GRM5: variants seen among roughly 807,000 people sequenced by gnomAD.
GRM5 encodes the protein glutamate metabotropic receptor 5.
A neutral mutation model predicts 83.1 loss-of-function variants in GRM5; 19 were observed. That is an observed-to-expected ratio of 0.23 (90% CI 0.16 to 0.34). The LOEUF is 0.34. GRM5 is among the 10% of genes least tolerant of loss of function. The pLI is 1.00. For missense variants in GRM5, 1,160 were observed against 1,588.3 expected (o/e 0.73, Z 4.58); for synonymous variants, 675 against 633.6 (o/e 1.07, Z -0.98).
intron 2 of GRM5, among the ~76,000 whole-genome samples, chr11:88,987,315 G>A (rs1479223844): frequency 1.4e-4 from 21 of 152,124 alleles, no homozygotes; most frequent in Admixed American, 1.3e-3. Context: ...CTTAAAAAAC[G>A]GCACACCACG....
chr11:88,625,912 C>T (rs1251348518), intron 4 of GRM5, among the ~76,000 whole-genome samples: 2 of 152,116 alleles, frequency 1.3e-5, no homozygotes, highest in Non-Finnish European at 2.9e-5. Context: ...TGATTTCTCC[C>T]GTGCCACAGT....
intron 2 of GRM5, among the ~76,000 whole-genome samples, chr11:88,939,492 G>A (rs1413979938): frequency 6.6e-6 from 1 of 151,760 alleles, no homozygotes; most frequent in African/African-American, 2.4e-5. Flanking sequence ...AGCTGCATAT[G>A]TGGGCAACAA....
chr11:88,631,514 C>G (rs1055975200), intron 4 of GRM5, among the ~76,000 whole-genome samples: 1 of 152,098 alleles, frequency 6.6e-6, no homozygotes, highest in Admixed American at 6.6e-5. Flanking sequence ...GGATCTTTAC[C>G]TATATCATGC....
chr11:88,875,085 T>TTG (rs1161072226), intron 2 of GRM5, among the ~76,000 whole-genome samples: 2 of 151,420 alleles, frequency 1.3e-5, no homozygotes, highest in South Asian at 2.1e-4. Flanking sequence ...ATTGACTGTT[T>TTG]TTTTTTTTTC....
At chr11:88,647,789 A>G (rs2135297004) in intron 4 of GRM5, among the ~76,000 whole-genome samples, 1 of 152,312 alleles carries the variant, frequency 6.6e-6, no homozygotes, top group East Asian at 1.9e-4. Context: ...TCTACAATGA[A>G]CTCAAACAAA....
intron 8 of GRM5, among the ~76,000 whole-genome samples, chr11:88,541,589 A>C (rs535172885): frequency 3.9e-5 from 6 of 152,286 alleles, no homozygotes; most frequent in African/African-American, 1.4e-4. Flanking sequence ...ATGGAAATTA[A>C]GTGTACTGGA....
rs573071338 is a variant in GRM5 at position 88,824,149 on chromosome 11, T to C, written c.911+25757A>G. 1.1e-4 allele frequency among the ~76,000 whole-genome samples: 16 copies of C among 152,308 alleles called. No individual in the cohort carries two copies. In the South Asian group the frequency reaches 3.3e-3, roughly 32 times the overall value. ...CGGTCTTTGTAAGATTTAAGGGCAATGTTTCTTTATTCTATTTGGAAGCAT... is the reference window on the plus strand; with the variant it reads ...CGGTCTTTGTAAGATTTAAGGGCAACGTTTCTTTATTCTATTTGGAAGCAT... On this transcript the variant is annotated intron_variant, in intron 3 of 9. Transcript: ENST00000305447.
intron 3 of GRM5, among the ~76,000 whole-genome samples, chr11:88,785,827 C>A (rs1326737603): frequency 6.6e-6 from 1 of 152,048 alleles, no homozygotes; most frequent in Non-Finnish European, 1.5e-5. Flanking sequence ...GACTATGCAC[C>A]ATTTATCTTC....
chr11:88,742,923 G>C (rs1942058484), intron 3 of GRM5, among the ~76,000 whole-genome samples: 1 of 152,084 alleles, frequency 6.6e-6, no homozygotes, highest in African/African-American at 2.4e-5. Flanking sequence ...AACAAGACGA[G>C]GAGGAAGCTC....
chr11:88,524,214 CTTTTTTTTT>C (rs71470770), intron 9 of GRM5, among the ~76,000 whole-genome samples: 2 of 101,408 alleles, frequency 2.0e-5, no homozygotes, highest in Non-Finnish European at 3.8e-5. Context: ...TTCTTTCTTT[CTTTTTTTTT>C]TTTTTTTTTT....
At chr11:88,726,742 T>A (rs1335782239) in intron 3 of GRM5, among the ~76,000 whole-genome samples, 2 of 151,734 alleles carry the variant, frequency 1.3e-5, no homozygotes, top group Non-Finnish European at 2.9e-5. Flanking sequence ...TATTCAACAT[T>A]CTTAAAGAAA....
At chr11:88,928,494 A>ATATATG (rs1555043174) in intron 2 of GRM5, among the ~76,000 whole-genome samples, 3 of 98,820 alleles carry the variant, frequency 3.0e-5, no homozygotes, top group Admixed American at 9.7e-5. Flanking sequence ...GTATATATGT[A>ATATATG]TATATATATA....
At chr11:88,685,205 T>C (rs1940589813) in intron 3 of GRM5, among the ~76,000 whole-genome samples, 2 of 152,176 alleles carry the variant, frequency 1.3e-5, no homozygotes, top group Non-Finnish European at 1.5e-5. Flanking sequence ...GATGAGGAAC[T>C]TGTTGGGAAC....
intron 8 of GRM5, among the ~76,000 whole-genome samples, chr11:88,533,288 C>A (rs1178513702): frequency 2.0e-5 from 3 of 152,144 alleles, no homozygotes; most frequent in Non-Finnish European, 4.4e-5. Context: ...CTTGAAGACA[C>A]CAGATATCCT....
chr11:88,858,660 T>G (rs1053661200), intron 2 of GRM5, among the ~76,000 whole-genome samples: 1 of 152,048 alleles, frequency 6.6e-6, no homozygotes, highest in African/African-American at 2.4e-5. Context: ...TCCTGAGCCC[T>G]GGAATCGAAA....
At chr11:88,744,114 G>A (rs934560881) in intron 3 of GRM5, among the ~76,000 whole-genome samples, 1 of 152,012 alleles carries the variant, frequency 6.6e-6, no homozygotes, top group African/African-American at 2.4e-5. Context: ...CATTTCCTAA[G>A]GTCTAAATTT....
intron 9 of GRM5, among the ~76,000 whole-genome samples, chr11:88,518,727 T>C (rs191085706): frequency 6.6e-6 from 1 of 152,032 alleles, no homozygotes; most frequent in Non-Finnish European, 1.5e-5. Flanking sequence ...ATCACAGATT[T>C]AAAATTTTAA....
chr11:88,532,771 T>C (rs1403212998), intron 8 of GRM5, among the ~76,000 whole-genome samples: 1 of 152,146 alleles, frequency 6.6e-6, no homozygotes, highest in Non-Finnish European at 1.5e-5. Flanking sequence ...TCAAGGAAGA[T>C]GGAAAATATT....
intron 4 of GRM5, among the ~76,000 whole-genome samples, chr11:88,647,362 C>T (rs919133854): frequency 1.5e-5 from 1 of 66,086 alleles, no homozygotes; most frequent in African/African-American, 2.7e-5. Context: ...TAAGACACTC[C>T]TTAGAAAAAG....
Sources: gnomAD v4.1 joint callset for allele counts (sites outside exome capture counted in the v4.1 genomes callset) on GRCh38, gnomAD v4.1.1 for gene constraint, MANE v1.5 for transcripts, NCBI Gene and HGNC (gene_info 2026-07-23, HGNC 2026-07-21) for gene names.